The following CYYR1 variants were observed in gnomAD, a reference collection of about 807,000 sequenced individuals.
The protein encoded by CYYR1 is cysteine and tyrosine-rich protein 1.
CYYR1 carries 14 observed loss-of-function variants against 15.2 expected under a neutral mutation model. The observed-to-expected ratio is 0.92, with a 90% CI of 0.61 to 1.44. The LOEUF is 1.44. Among genes scored for constraint, CYYR1 ranks in the 40% most tolerant of loss-of-function variants. The probability of loss-of-function intolerance (pLI) is 0.00; values close to 1 mark genes in which losing one functional copy is unlikely to be tolerated. For missense variants in CYYR1, 228 were observed against 209.5 expected (o/e 1.09, Z -0.54); for synonymous variants, 80 against 77.4 (o/e 1.03, Z -0.18).
At position 26,467,738 on chromosome 21, in the gene CYYR1, T is replaced by C. The variant is rs1008993293; in HGVS notation, c.*763A>G. 2 of 152,156 alleles carry C rather than the reference T, an allele frequency of 1.3e-5. No homozygotes were observed. Among genetic ancestry groups the C allele is most frequent in the Non-Finnish European group, 2.9e-5 (2 of 68,050 alleles). 9.4% of individuals were successfully genotyped at this position (152,156 alleles called of 1,614,324 possible). A position where few individuals can be genotyped will look rare whatever the true frequency, so the allele number is the denominator to read the frequency against. On this transcript the variant is annotated 3_prime_UTR_variant, in exon 4 of 4. Coordinates refer to ENST00000652641, the MANE Select transcript of CYYR1 (RefSeq NM_001320768.2). ...TTCTTGGCTTCAAGCGGCTGTTGAG[T>C]CTTTTTGGTCTTGTTTTAACTCCCT...
chr21:26,480,217 G>A (rs2065155558), intron 3 of CYYR1, 55 bp downstream of exon 3: 15 of 1,506,822 alleles, frequency 1.0e-5, no homozygotes, highest in Non-Finnish European at 1.3e-5. Context: ...CTCTCTGTGA[G>A]GAGCAGAGGA....
intron 3 of CYYR1, among the ~76,000 whole-genome samples, chr21:26,475,737 A>C (rs2065094176): frequency 6.6e-6 from 1 of 152,212 alleles, no homozygotes; most frequent in African/African-American, 2.4e-5. Flanking sequence ...TAATTCTGCA[A>C]CCACAGTTAA....
chr21:26,513,630 C>A (rs1241717704), intron 2 of CYYR1, among the ~76,000 whole-genome samples: 1 of 151,980 alleles, frequency 6.6e-6, no homozygotes, highest in African/African-American at 2.4e-5. Context: ...TAGCAAAAAC[C>A]TATTGACCAG....
intron 2 of CYYR1, among the ~76,000 whole-genome samples, chr21:26,531,817 T>C (rs1350162712): frequency 6.6e-6 from 1 of 152,142 alleles, no homozygotes; most frequent in Non-Finnish European, 1.5e-5. Flanking sequence ...AAACATTTTC[T>C]TGAACAGCGT....
At chr21:26,477,665 CATT>C (rs1375471013) in intron 3 of CYYR1, 5 of 785,502 alleles carry the variant, frequency 6.4e-6, no homozygotes, top group Non-Finnish European at 1.5e-6. Context: ...AATATTTAAA[CATT>C]ATTTTCAATT....
At chr21:26,474,357 A>G (rs2065073947) in intron 3 of CYYR1, among the ~76,000 whole-genome samples, 1 of 148,106 alleles carries the variant, frequency 6.8e-6, no homozygotes, top group South Asian at 2.1e-4. Context: ...CCAGCCTACC[A>G]TGTGTTCTTT....
At position 26,478,261 on chromosome 21, in the gene CYYR1, G is replaced by A. The variant is rs534937203; in HGVS notation, c.334+2011C>T. ...CACAAAGAGAATTGGGATGCTGTCA[G>A]AAGGGACACATTACAATCTTAAATA... On this transcript the variant is annotated intron_variant, in intron 3 of 3. Coordinates refer to ENST00000652641, the MANE Select transcript of CYYR1 (RefSeq NM_001320768.2). 14 of 1,230,358 alleles carry A rather than the reference G, an allele frequency of 1.1e-5. No homozygotes were observed. In the East Asian group the frequency reaches 1.8e-4, roughly 16 times the overall value. 76.2% of individuals were successfully genotyped at this position (1,230,358 alleles called of 1,614,324 possible).
intron 2 of CYYR1, among the ~76,000 whole-genome samples, chr21:26,548,070 G>A (rs1320728645): frequency 2.0e-5 from 3 of 152,122 alleles, no homozygotes; most frequent in Admixed American, 1.3e-4. Context: ...CACAGGCAAA[G>A]CTTTGTAAAT....
intron 3 of CYYR1, among the ~76,000 whole-genome samples, chr21:26,469,723 C>T (rs1305170373): frequency 6.6e-6 from 1 of 152,118 alleles, no homozygotes; most frequent in Non-Finnish European, 1.5e-5. Flanking sequence ...ACTTATTCCT[C>T]CTATCTAGCT....
At chr21:26,469,325 G>A (rs1253480461) in intron 3 of CYYR1, among the ~76,000 whole-genome samples, 2 of 151,980 alleles carry the variant, frequency 1.3e-5, no homozygotes, top group Non-Finnish European at 2.9e-5. Context: ...TTGGAGGGGG[G>A]TGGAACCATT....
rs552001463 is a variant in CYYR1, at chr21:26,564,168, G to A, written c.176+2098C>T. On this transcript the variant is annotated intron_variant, in intron 2 of 3. Transcript: ENST00000652641. The stretch of plus-strand genomic sequence containing the variant: ...TAATTTTTTTCCTACCTCCTGCATC[G>A]CCGACCACCCATTAAAAAAAAAAAA... 1.3e-4 allele frequency among the ~76,000 whole-genome samples: 19 copies of A among 150,442 alleles called. No individual in the cohort carries two copies. In the South Asian group the frequency reaches 3.6e-3, roughly 28 times the overall value.
intron 2 of CYYR1, among the ~76,000 whole-genome samples, chr21:26,524,071 A>G (rs1187926374): frequency 2.0e-5 from 3 of 152,182 alleles, no homozygotes; most frequent in African/African-American, 7.2e-5. Context: ...CCATTAAGAC[A>G]AATATATTCA....
chr21:26,553,376 C>T (rs1979530334), intron 2 of CYYR1, among the ~76,000 whole-genome samples: 2 of 152,036 alleles, frequency 1.3e-5, no homozygotes, highest in Admixed American at 6.6e-5. Flanking sequence ...TAATTTATTT[C>T]TTTCACCAAA....
chr21:26,486,857 T>C (rs992859230), intron 2 of CYYR1, among the ~76,000 whole-genome samples: 48 of 152,084 alleles, frequency 3.2e-4, no homozygotes, highest in Non-Finnish European at 4.4e-5. Context: ...GTGGTTTTAC[T>C]ATTAATATTA....
intron 3 of CYYR1, chr21:26,478,122 A>C (rs1230979801): frequency 6.5e-7 from 1 of 1,549,622 alleles, no homozygotes; most frequent in Admixed American, 2.0e-5. Context: ...TCTCTGCCTC[A>C]TGGAGTTCAT....
At chr21:26,498,101 T>C (rs1336706110) in intron 2 of CYYR1, among the ~76,000 whole-genome samples, 5 of 152,344 alleles carry the variant, frequency 3.3e-5, no homozygotes, top group African/African-American at 1.2e-4. Flanking sequence ...ATATATTCAC[T>C]TACTACAGAT....
At chr21:26,478,957 A>G (rs73365128) in intron 3 of CYYR1, among the ~76,000 whole-genome samples, 2,782 of 152,198 alleles carry the variant, frequency 0.018, 91 homozygotes, top group African/African-American at 0.064. Context: ...GGGAAATCCA[A>G]CACTTGGATC....
At chr21:26,535,379 C>A (rs922379082) in intron 2 of CYYR1, among the ~76,000 whole-genome samples, 2 of 152,196 alleles carry the variant, frequency 1.3e-5, no homozygotes, top group Non-Finnish European at 2.9e-5. Context: ...AACGAGTAGG[C>A]CGCTTTAAGA....
chr21:26,563,438 G>T (rs1341106755), intron 2 of CYYR1, among the ~76,000 whole-genome samples: 1 of 152,100 alleles, frequency 6.6e-6, no homozygotes, highest in Non-Finnish European at 1.5e-5. Flanking sequence ...CAAGCATGGT[G>T]GTGCCTGCCT....
Sources: gnomAD v4.1 joint callset for allele counts (sites outside exome capture counted in the v4.1 genomes callset) on GRCh38, gnomAD v4.1.1 for gene constraint, MANE v1.5 for transcripts, NCBI Gene and HGNC (gene_info 2026-07-23, HGNC 2026-07-21) for gene names.